The following PPP1R16A variants were observed in gnomAD, a reference collection of about 807,000 sequenced individuals.
PPP1R16A encodes the protein protein phosphatase 1 regulatory subunit 16A.
A neutral mutation model predicts 46.6 loss-of-function variants in PPP1R16A; 39 were observed. The ratio of observed to expected loss-of-function variants is 0.84; its 90% CI spans 0.65 to 1.09. The LOEUF (loss-of-function observed/expected upper bound fraction) is 1.09, where lower values mean the gene tolerates loss of function less well. PPP1R16A is among the 50% of genes least tolerant of loss of function. The probability of loss-of-function intolerance (pLI) is 0.00; values close to 1 mark genes in which losing one functional copy is unlikely to be tolerated. For synonymous variants in PPP1R16A, 413 were observed against 321.5 expected (o/e 1.28, Z -3.04); for missense variants, 798 against 735.6 (o/e 1.08, Z -0.98).
intron 2 of PPP1R16A, chr8:144,495,873 C>A (rs908829569): frequency 6.6e-6 from 1 of 152,440 alleles, no homozygotes; most frequent in Non-Finnish European, 1.5e-5. Context: ...CCTGTCTGTC[C>A]CCATAGGCCT....
intron 1 of PPP1R16A, among the ~76,000 whole-genome samples, chr8:144,481,512 C>G (rs1272202767): frequency 6.6e-6 from 1 of 151,842 alleles, no homozygotes; most frequent in South Asian, 2.1e-4. Flanking sequence ...GGCATGGTGG[C>G]GCATGCCTGT....
At chr8:144,478,969 C>T (rs1825285909) in intron 1 of PPP1R16A, 1 of 153,084 alleles carries the variant, frequency 6.5e-6, no homozygotes, top group Non-Finnish European at 1.5e-5. Context: ...CTGTGCCTTC[C>T]TTTTCTTCCT....
chr8:144,491,143 G>A (rs576754481), intron 2 of PPP1R16A, among the ~76,000 whole-genome samples: 19 of 152,242 alleles, frequency 1.2e-4, no homozygotes, highest in Admixed American at 8.5e-4. Context: ...CTGCACCCAC[G>A]GGCAAGATAC....
intron 5 of PPP1R16A, 145 bp from the exon 6 acceptor site, chr8:144,499,951 G>C: frequency 2.7e-6 from 2 of 746,418 alleles, no homozygotes; most frequent in South Asian, 3.5e-5. Context: ...GGGCCCCAAG[G>C]CTGCCTCTCC....
intron 11 of PPP1R16A, 85 bp downstream of exon 11, chr8:144,501,379 C>T: frequency 1.3e-6 from 2 of 1,497,272 alleles, no homozygotes; most frequent in South Asian, 1.3e-5. Flanking sequence ...CCCCTCCTGC[C>T]TGTGTCAGGA....
At chr8:144,500,797 G>C (rs2130550929) in intron 9 of PPP1R16A, 36 bp downstream of exon 9, 3 of 1,603,598 alleles carry the variant, frequency 1.9e-6, no homozygotes, top group Non-Finnish European at 2.6e-6. Flanking sequence ...CTGGGGGAGA[G>C]GACAGGCGGG....
intron 2 of PPP1R16A, among the ~76,000 whole-genome samples, chr8:144,492,957 C>T (rs1270148916): frequency 6.6e-5 from 10 of 152,236 alleles, no homozygotes; most frequent in East Asian, 3.9e-4. Context: ...AAGTAGTGAC[C>T]GGGGCAGCTC....
intron 1 of PPP1R16A, among the ~76,000 whole-genome samples, chr8:144,479,395 T>A (rs1176696528): frequency 6.6e-6 from 1 of 152,168 alleles, no homozygotes; most frequent in Non-Finnish European, 1.5e-5. Context: ...TCCTTCCCCC[T>A]CCTGGTGCTC....
chr8:144,481,979 A>G (rs948259498), intron 1 of PPP1R16A, among the ~76,000 whole-genome samples: 22 of 143,878 alleles, frequency 1.5e-4, no homozygotes, highest in African/African-American at 5.2e-4. Context: ...GGGTTTCACC[A>G]TGCTGGCCAG....
chr8:144,501,664 G>T lies in PPP1R16A; in HGVS notation c.1348G>T (p.Asp450Tyr). 1.2e-6 allele frequency: 2 copies of T among 1,610,154 alleles called. No individual in the cohort carries two copies. Among genetic ancestry groups the T allele is most frequent in the East Asian group, 4.5e-5 (2 of 44,554 alleles). ...CACCACCCCCCACACCCTGGTCCAC[G>T]ACAAGGCCCACCACACCCTGGCTGA... Reference protein sequence around the residue: ...DSTTPHTLVHDKAHHTLADLK... With the variant: ...DSTTPHTLVHYKAHHTLADLK... The change falls in exon 12 of 12, where the codon GAC becomes TAC. Residue 450 changes from aspartate to tyrosine, a missense_variant. Coordinates refer to ENST00000435887, the MANE Select transcript of PPP1R16A (RefSeq NM_001329443.2).
Position 144,501,770 on chromosome 8 carries a change from G to T in PPP1R16A, c.1454G>T (p.Gly485Val). ...GAGAGCCCTGAGACAGCTGAGCCTG[G>T]CCTGCCTGGTGACACGGTGACCCCC... ...GPESPETAEP[G>V]LPGDTVTPQP... The change falls in exon 12 of 12, where the codon GGC (glycine) becomes GTC (valine). Residue 485 changes from glycine to valine, a missense_variant. Coordinates refer to ENST00000435887, the MANE Select transcript of PPP1R16A (RefSeq NM_001329443.2). 6.4e-7 allele frequency: 1 copy of T among 1,565,418 alleles called. No individual in the cohort carries two copies. Among genetic ancestry groups the T allele is most frequent in the Non-Finnish European group, 8.6e-7 (1 of 1,156,154 alleles).
intron 5 of PPP1R16A, chr8:144,499,270 C>G (rs1826269629): frequency 1.6e-6 from 1 of 626,828 alleles, no homozygotes; most frequent in Admixed American, 3.2e-5. Flanking sequence ...CCTGCCTCCC[C>G]AGCATTCGTC....
intron 3 of PPP1R16A, 107 bp from the exon 4 acceptor site, chr8:144,498,663 T>G: frequency 1.8e-6 from 2 of 1,131,544 alleles, no homozygotes; most frequent in Non-Finnish European, 2.5e-6. Context: ...CCTCCTGCCA[T>G]CGGCACCACT....
At position 144,502,093 on chromosome 8, in the gene PPP1R16A, C is replaced by G; in HGVS notation, c.*190C>G. 1.7e-6 allele frequency: 1 copy of G among 582,340 alleles called. No individual in the cohort carries two copies. The highest frequency in any genetic ancestry group is 1.9e-5 in the African/African-American group (1 of 53,194). The allele number at this position is 582,340 out of a possible 1,614,324, so 36.1% of individuals were successfully genotyped here. A position where few individuals can be genotyped will look rare whatever the true frequency, so the allele number is the denominator to read the frequency against. On this transcript the variant is annotated 3_prime_UTR_variant, in exon 12 of 12. Coordinates refer to ENST00000435887, the MANE Select transcript of PPP1R16A (RefSeq NM_001329443.2). ...TGCAAAGACTATTTTTATCCTGCAA[C>G]TCTTGATAAAGGGCTGTTTTGCCAT...
chr8:144,497,621 A>G (rs1175626947), intron 3 of PPP1R16A, 168 bp downstream of exon 3: 2 of 936,654 alleles, frequency 2.1e-6, no homozygotes, highest in Non-Finnish European at 3.3e-6. Flanking sequence ...TGCCCCCATC[A>G]GGCAAGCCCC....
intron 1 of PPP1R16A, among the ~76,000 whole-genome samples, chr8:144,485,809 T>G (rs1355642008): frequency 1.3e-5 from 2 of 152,204 alleles, no homozygotes; most frequent in East Asian, 3.9e-4. Context: ...CATAGGGACC[T>G]CTTGAGCTGC....
chr8:144,501,214 C>T lies in PPP1R16A; in HGVS notation c.1123C>T (p.Pro375Ser). Reference sequence around the variant, plus strand: ...CCAGGAGGCCATCGTGTGGCAACAGCCGCCGCCCACCAGCCCGGAGCCGCC... The same window carrying T: ...CCAGGAGGCCATCGTGTGGCAACAGTCGCCGCCCACCAGCCCGGAGCCGCC... Reference protein sequence around the residue: ...HAQEAIVWQQPPPTSPEPPED... With the variant: ...HAQEAIVWQQSPPTSPEPPED... The change falls in exon 11 of 12, where the codon CCG (proline) becomes TCG (serine). Residue 375 changes from proline to serine, a missense_variant. Pro to Ser is a moderately conservative substitution (Grantham distance 74, BLOSUM62 -1). Coordinates refer to ENST00000435887, the MANE Select transcript of PPP1R16A (RefSeq NM_001329443.2). The T allele has an allele frequency of 6.2e-7, 1 of 1,608,198 alleles. No homozygotes were observed. Among genetic ancestry groups the T allele is most frequent in the Non-Finnish European group, 8.5e-7 (1 of 1,179,456 alleles).
At position 144,493,622 on chromosome 8, in the gene PPP1R16A, C is replaced by G. The variant is rs1825908324; in HGVS notation, c.-734-2839C>G. ...TGGGCCTTCGGCTGGCTGCTTCCTT[C>G]TGAGGGTGATTCCTGGGCAGGGAGG... On this transcript the variant is annotated intron_variant, in intron 2 of 11. Transcript: ENST00000435887. The surrounding 1 kb of genome is among the most constrained non-coding windows in gnomAD (Gnocchi z 4.3). Among the ~76,000 whole-genome samples the G allele has an allele frequency of 6.6e-6, 1 of 152,070 alleles. No individual in the cohort carries two copies. Among genetic ancestry groups the G allele is most frequent in the Non-Finnish European group, 1.5e-5 (1 of 67,976 alleles).
intron 2 of PPP1R16A, 41 bp from the exon 3 acceptor site, chr8:144,496,420 C>G (rs904412423): frequency 2.0e-5 from 3 of 152,386 alleles, no homozygotes; most frequent in African/African-American, 7.2e-5. Context: ...CACCCTGCCT[C>G]AAGCCGGCCT....
Sources: gnomAD v4.1 joint callset for allele counts (sites outside exome capture counted in the v4.1 genomes callset) on GRCh38, gnomAD v4.1.1 for gene constraint, Gnocchi (gnomAD v3.1) non-coding constraint, MANE v1.5 for transcripts, NCBI Gene and HGNC (gene_info 2026-07-23, HGNC 2026-07-21) for gene names.